The following NKAIN2 variants were observed in gnomAD, a reference collection of about 807,000 sequenced individuals.
NKAIN2 encodes sodium/potassium-transporting ATPase subunit beta-1-interacting protein 2.
In NKAIN2, 14 loss-of-function variants were observed where a neutral mutation model predicts 32.6. That is an observed-to-expected ratio of 0.43 (90% CI 0.28 to 0.67). The LOEUF is 0.67. Ranked by LOEUF, NKAIN2 falls within the 30% of genes least tolerant of loss-of-function variation. The pLI is 0.17. For missense variants in NKAIN2, 198 were observed against 258.3 expected, an observed-to-expected ratio of 0.77 and a Z score of 1.60; for synonymous variants, 80 against 87.2, an observed-to-expected ratio of 0.92 and a Z score of 0.46.
At chr6:123,839,795 T>C (rs950312492) in intron 1 of NKAIN2, among the ~76,000 whole-genome samples, 21 of 152,176 alleles carry the variant, frequency 1.4e-4, no homozygotes, top group Admixed American at 3.3e-4. Flanking sequence ...AATATAGGAA[T>C]GATTATGACA....
chr6:124,309,613 C>T, intron 2 of NKAIN2, among the ~76,000 whole-genome samples: 1 of 151,896 alleles, frequency 6.6e-6, no homozygotes, highest in East Asian at 1.9e-4. Context: ...TTATTTGTGT[C>T]TTGATTTTCA....
chr6:124,581,127 A>G (rs1781502723), intron 3 of NKAIN2, among the ~76,000 whole-genome samples: 1 of 152,178 alleles, frequency 6.6e-6, no homozygotes, highest in South Asian at 2.1e-4. Flanking sequence ...TAGACAGTTC[A>G]TCCAGACAGA....
At chr6:124,286,412 A>G (rs1795543642) in intron 2 of NKAIN2, among the ~76,000 whole-genome samples, 1 of 152,138 alleles carries the variant, frequency 6.6e-6, no homozygotes, top group African/African-American at 2.4e-5. Flanking sequence ...GGCTTTTACT[A>G]TATAATTAAT....
chr6:124,692,050 G>C (rs1774282796), intron 4 of NKAIN2, among the ~76,000 whole-genome samples: 1 of 151,950 alleles, frequency 6.6e-6, no homozygotes, highest in African/African-American at 2.4e-5. Context: ...TGAATATTTG[G>C]CTATCTTTCT....
intron 4 of NKAIN2, among the ~76,000 whole-genome samples, chr6:124,663,195 G>A (rs1358978100): frequency 2.0e-5 from 3 of 152,224 alleles, no homozygotes; most frequent in African/African-American, 7.2e-5. Context: ...GGGAGGCCGA[G>A]GCCACTGGAT....
intron 3 of NKAIN2, among the ~76,000 whole-genome samples, chr6:124,521,632 C>T (rs1779122513): frequency 2.6e-5 from 4 of 152,134 alleles, no homozygotes; most frequent in Non-Finnish European, 5.9e-5. Flanking sequence ...GTACAATTTT[C>T]ATTTCTGCAA....
At chr6:124,706,308 C>G (rs1775059489) in intron 4 of NKAIN2, among the ~76,000 whole-genome samples, 1 of 151,970 alleles carries the variant, frequency 6.6e-6, no homozygotes, top group African/African-American at 2.4e-5. Context: ...AAGAAATGAG[C>G]CTTAGGCAGG....
chr6:124,798,391 T>C (rs1252451792), intron 5 of NKAIN2, among the ~76,000 whole-genome samples: 1 of 151,806 alleles, frequency 6.6e-6, no homozygotes, highest in Non-Finnish European at 1.5e-5. Context: ...AACATTTGTC[T>C]TATGAATTTG....
intron 1 of NKAIN2, among the ~76,000 whole-genome samples, chr6:123,891,458 T>C (rs1348830470): frequency 1.3e-5 from 2 of 152,150 alleles, no homozygotes; most frequent in African/African-American, 4.8e-5. Context: ...CTTCACTCTT[T>C]TTTTTCCTTA....
At chr6:124,239,897 A>G (rs1326653143) in intron 1 of NKAIN2, among the ~76,000 whole-genome samples, 1 of 152,198 alleles carries the variant, frequency 6.6e-6, no homozygotes, top group Non-Finnish European at 1.5e-5. Flanking sequence ...CTAAGATCAG[A>G]GCAGAACTGA....
chr6:124,693,270 T>C (rs1230098196), intron 4 of NKAIN2, among the ~76,000 whole-genome samples: 1 of 152,214 alleles, frequency 6.6e-6, no homozygotes, highest in Admixed American at 6.5e-5. Flanking sequence ...TAGCACTTTG[T>C]TACAATTGCC....
intron 4 of NKAIN2, among the ~76,000 whole-genome samples, chr6:124,761,929 C>A (rs1778284033): frequency 6.6e-6 from 1 of 152,158 alleles, no homozygotes; most frequent in African/African-American, 2.4e-5. Context: ...CCCATAATCT[C>A]AATTTCAGTG....
In NKAIN2 at chr6:124,667,384, A is replaced by G. The variant is rs76459817; in HGVS notation, c.474+8998A>G. On this transcript the variant is annotated intron_variant, in intron 4 of 6. Coordinates refer to ENST00000368417, the MANE Select transcript of NKAIN2 (RefSeq NM_001040214.3). Reference sequence around the variant, plus strand: ...AAACAATGTATGATCCCATTTTTATATTTGATTTTATAATCATAAAATTAT... The same window carrying G: ...AAACAATGTATGATCCCATTTTTATGTTTGATTTTATAATCATAAAATTAT... Among the ~76,000 whole-genome samples, 15 of 152,250 alleles carry G rather than the reference A, an allele frequency of 9.9e-5. No individual in the cohort carries two copies. The East Asian group carries it at 2.9e-3, about 29-fold the overall frequency.
intron 3 of NKAIN2, among the ~76,000 whole-genome samples, chr6:124,413,216 A>G (rs1157386958): frequency 1.3e-5 from 2 of 152,072 alleles, no homozygotes; most frequent in Admixed American, 6.5e-5. Flanking sequence ...AGTGAGATGA[A>G]CCCAGTACCT....
intron 1 of NKAIN2, among the ~76,000 whole-genome samples, chr6:123,974,836 T>C (rs1778484191): frequency 6.6e-6 from 1 of 152,208 alleles, no homozygotes; most frequent in South Asian, 2.1e-4. Flanking sequence ...CTAAATTTGT[T>C]GTCTGCACAA....
intron 2 of NKAIN2, among the ~76,000 whole-genome samples, chr6:124,326,279 G>T (rs1797408105): frequency 6.7e-6 from 1 of 149,912 alleles, no homozygotes. Context: ...CTTTTTTATG[G>T]TGATTTTACT....
At chr6:124,388,172 T>C (rs1365902617) in intron 3 of NKAIN2, among the ~76,000 whole-genome samples, 1 of 149,136 alleles carries the variant, frequency 6.7e-6, no homozygotes, top group Admixed American at 6.6e-5. Flanking sequence ...TAACCTGAAT[T>C]ATTAATTTTA....
intron 1 of NKAIN2, among the ~76,000 whole-genome samples, chr6:124,072,044 A>G (rs1387277939): frequency 6.6e-6 from 1 of 152,168 alleles, no homozygotes; most frequent in East Asian, 1.9e-4. Flanking sequence ...CTGCAGCACA[A>G]TTTACAATAG....
At chr6:124,805,617 C>G (rs1360071745) in intron 5 of NKAIN2, among the ~76,000 whole-genome samples, 1 of 152,178 alleles carries the variant, frequency 6.6e-6, no homozygotes, top group Admixed American at 6.5e-5. Flanking sequence ...AGTTCCTCAC[C>G]AGCAATGGAA....
Sources: gnomAD v4.1 joint callset for allele counts (sites outside exome capture counted in the v4.1 genomes callset) on GRCh38, gnomAD v4.1.1 for gene constraint, MANE v1.5 for transcripts, NCBI Gene and HGNC (gene_info 2026-07-23, HGNC 2026-07-21) for gene names.